Variants in CA10 observed in about 807,000 individuals in gnomAD.
CA10 encodes the protein carbonic anhydrase 10 (inactive).
A neutral mutation model predicts 44.2 loss-of-function variants in CA10; 14 were observed. That is an observed-to-expected ratio of 0.32 (90% CI 0.21 to 0.50). The LOEUF (loss-of-function observed/expected upper bound fraction) is 0.50, where lower values mean the gene tolerates loss of function less well. CA10 is among the 20% of genes least tolerant of loss of function. The pLI, the probability that CA10 is intolerant of heterozygous loss-of-function variation, is 0.99. For missense variants in CA10, 350 were observed against 409.7 expected, an observed-to-expected ratio of 0.85 and a Z score of 1.26; for synonymous variants, 159 against 141.6, an observed-to-expected ratio of 1.12 and a Z score of -0.87.
At chr17:52,106,490 CGTT>C (rs1477877046) in intron 1 of CA10, among the ~76,000 whole-genome samples, 3 of 152,102 alleles carry the variant, frequency 2.0e-5, no homozygotes, top group Admixed American at 6.5e-5. Flanking sequence ...TATAGCTTTT[CGTT>C]GTTGTTAATA....
chr17:51,900,319 T>A (rs1981257671), intron 3 of CA10, among the ~76,000 whole-genome samples: 1 of 152,204 alleles, frequency 6.6e-6, no homozygotes, highest in South Asian at 2.1e-4. Flanking sequence ...AATTCTTGGT[T>A]AGAATTTCCT....
chr17:51,764,584 T>C (rs1035987878), intron 3 of CA10, among the ~76,000 whole-genome samples: 3 of 152,182 alleles, frequency 2.0e-5, no homozygotes, highest in African/African-American at 7.2e-5. Flanking sequence ...AACCATCCCA[T>C]TGCCCACAAC....
chr17:51,903,406 C>T (rs771559037), intron 3 of CA10, among the ~76,000 whole-genome samples: 43 of 152,226 alleles, frequency 2.8e-4, no homozygotes, highest in Admixed American at 5.2e-4. Flanking sequence ...TCCTTCACAG[C>T]CCTGCATATA....
chr17:51,759,443 T>C (rs1220035130), intron 3 of CA10, among the ~76,000 whole-genome samples: 1 of 148,114 alleles, frequency 6.8e-6, no homozygotes, highest in Non-Finnish European at 1.5e-5. Flanking sequence ...AAATATGTAA[T>C]ATATAAAATA....
chr17:52,074,165 T>C (rs1008942447), intron 1 of CA10, among the ~76,000 whole-genome samples: 12 of 152,138 alleles, frequency 7.9e-5, no homozygotes, highest in African/African-American at 1.2e-4. Flanking sequence ...GGCCCTCTTA[T>C]GAAACAACTA....
chr17:52,032,682 T>C (rs1986503590), intron 2 of CA10, among the ~76,000 whole-genome samples: 1 of 152,100 alleles, frequency 6.6e-6, no homozygotes, highest in Admixed American at 6.6e-5. Context: ...TCCTTCTGCA[T>C]GACAAAGGAG....
chr17:52,152,507 A>C (rs1056558408), intron 1 of CA10, among the ~76,000 whole-genome samples: 1 of 152,040 alleles, frequency 6.6e-6, no homozygotes, highest in African/African-American at 2.4e-5. Flanking sequence ...TCAATCTAAT[A>C]TACTCCTTTT....
intron 4 of CA10, among the ~76,000 whole-genome samples, chr17:51,717,131 G>A (rs1478119996): frequency 6.6e-6 from 1 of 152,084 alleles, no homozygotes; most frequent in Non-Finnish European, 1.5e-5. Flanking sequence ...GAATTTTTTT[G>A]TTCTAATGCT....
At chr17:51,974,398 A>C (rs980269872) in intron 2 of CA10, among the ~76,000 whole-genome samples, 3 of 139,136 alleles carry the variant, frequency 2.2e-5, no homozygotes, top group African/African-American at 7.9e-5. Context: ...AAAAAAAAAA[A>C]CAAAAACAAA....
intron 3 of CA10, among the ~76,000 whole-genome samples, chr17:51,780,583 G>T (rs1474717407): frequency 6.6e-6 from 1 of 152,172 alleles, no homozygotes; most frequent in Non-Finnish European, 1.5e-5. Flanking sequence ...GAGGGGTAAG[G>T]ATGCAAGGTC....
At chr17:52,156,217 A>G (rs1333755721) in intron 1 of CA10, among the ~76,000 whole-genome samples, 1 of 152,220 alleles carries the variant, frequency 6.6e-6, no homozygotes, top group South Asian at 2.1e-4. Context: ...GACATGTAGA[A>G]GAGAAAGATG....
At chr17:52,056,974 G>A (rs1987246405) in intron 2 of CA10, among the ~76,000 whole-genome samples, 1 of 152,022 alleles carries the variant, frequency 6.6e-6, no homozygotes, top group South Asian at 2.1e-4. Context: ...GTACAACAGC[G>A]ATTAGAGACA....
intron 3 of CA10, among the ~76,000 whole-genome samples, chr17:51,847,165 T>G (rs1482033291): frequency 6.6e-6 from 1 of 152,230 alleles, no homozygotes; most frequent in African/African-American, 2.4e-5. Flanking sequence ...CTGCACTGCA[T>G]CAGCCCTCTT....
intron 1 of CA10, chr17:52,134,980 C>T (rs760079927): frequency 1.9e-6 from 1 of 519,016 alleles, no homozygotes; most frequent in Admixed American, 1.9e-5. Context: ...GTGCCATCAC[C>T]TTCAACAGGT....
intron 2 of CA10, among the ~76,000 whole-genome samples, chr17:51,951,607 C>T (rs1207171270): frequency 2.0e-5 from 3 of 152,052 alleles, no homozygotes; most frequent in African/African-American, 7.2e-5. Flanking sequence ...TTTTTGTCCT[C>T]CATGCAAAAA....
chr17:51,931,153 T>A (rs775852360), intron 2 of CA10, 21 bp from the exon 3 acceptor site: 1 of 1,612,272 alleles, frequency 6.2e-7, no homozygotes, highest in South Asian at 1.1e-5. Context: ...AAAGAAATTA[T>A]AGAATTAGGC....
At chr17:52,146,002 A>G (rs887887776) in intron 1 of CA10, among the ~76,000 whole-genome samples, 6 of 152,224 alleles carry the variant, frequency 3.9e-5, no homozygotes, top group Non-Finnish European at 7.3e-5. Flanking sequence ...AGTTAAATAT[A>G]AATAATGCTA....
At chr17:51,980,572 T>C (rs1984620353) in intron 2 of CA10, among the ~76,000 whole-genome samples, 1 of 152,148 alleles carries the variant, frequency 6.6e-6, no homozygotes, top group Non-Finnish European at 1.5e-5. Context: ...TTTTGGTGTC[T>C]TTGTCACAAA....
chr17:51,649,985 TCAGCCAGCCAGC>T (rs4058506), intron 5 of CA10, among the ~76,000 whole-genome samples: 2 of 150,732 alleles, frequency 1.3e-5, no homozygotes, highest in African/African-American at 2.5e-5. Flanking sequence ...AGCCAGCCAG[TCAGCCAGCCAGC>T]CAGCCAGCCA....
Sources: gnomAD v4.1 joint callset for allele counts (sites outside exome capture counted in the v4.1 genomes callset) on GRCh38, gnomAD v4.1.1 for gene constraint, MANE v1.5 for transcripts, NCBI Gene and HGNC (gene_info 2026-07-23, HGNC 2026-07-21) for gene names.